Variants in MIA3 observed in about 807,000 individuals in gnomAD.
The protein encoded by MIA3 is MIA SH3 domain ER export factor 3.
Under a neutral mutation model 192.4 loss-of-function variants are expected in MIA3, and 90 were observed. The ratio of observed to expected loss-of-function variants is 0.47; its 90% CI spans 0.39 to 0.56. The LOEUF is 0.56. Ranked by LOEUF, MIA3 falls within the 20% of genes least tolerant of loss-of-function variation. MIA3 has a pLI of 0.00. For missense variants in MIA3, 2,123 were observed against 2,269.4 expected (o/e 0.94, Z 1.31); for synonymous variants, 740 against 792.8 (o/e 0.93, Z 1.12).
At chr1:222,621,903 G>A (rs568629462) in intron 2 of MIA3, among the ~76,000 whole-genome samples, 4 of 151,422 alleles carry the variant, frequency 2.6e-5, no homozygotes, top group African/African-American at 9.7e-5. Flanking sequence ...CCGCCTCCCG[G>A]GTTCACGCCA....
intron 17 of MIA3, 64 bp from the exon 18 acceptor site, chr1:222,654,590 GC>G (rs1663609595): frequency 1.3e-5 from 20 of 1,579,616 alleles, no homozygotes; most frequent in Non-Finnish European, 1.6e-5. Flanking sequence ...CTCAGCACCA[GC>G]CCCCAACCAA....
intron 6 of MIA3, among the ~76,000 whole-genome samples, chr1:222,634,151 T>C (rs1485816541): frequency 6.7e-6 from 1 of 149,232 alleles, no homozygotes; most frequent in Non-Finnish European, 1.5e-5. Context: ...CAGTTGGTGT[T>C]GTTAAAGTGT....
In MIA3 at chr1:222,645,734, A is replaced by C. The variant is rs189532371; in HGVS notation, c.3609+49A>C. On this transcript the variant is annotated intron_variant, in intron 7 of 27. Coordinates refer to ENST00000344922, the MANE Select transcript of MIA3 (RefSeq NM_198551.4). The stretch of plus-strand genomic sequence containing the variant: ...AACTCATAAATTCAAGTATGGTTTT[A>C]TAATCACAGTCCTTTTGTTTCTTTT... 2,109 of 1,522,852 alleles carry C rather than the reference A, an allele frequency of 1.4e-3. 17 individuals are homozygous for C. The highest frequency in any genetic ancestry group is 6.7e-4 in the Non-Finnish European group (744 of 1,106,810). 94.3% of individuals were successfully genotyped at this position (1,522,852 alleles called of 1,614,324 possible). A position where few individuals can be genotyped will look rare whatever the true frequency, so the allele number is the denominator to read the frequency against.
In MIA3 at chr1:222,658,541, A is replaced by G. The variant is rs900050152; in HGVS notation, c.4608-181A>G. The G allele has an allele frequency of 6.5e-6, 3 of 459,620 alleles. No homozygotes were observed. The East Asian group carries it at 1.2e-4, about 18-fold the overall frequency. The allele number at this position is 459,620 out of a possible 1,614,324, so 28.5% of individuals were successfully genotyped here. A position where few individuals can be genotyped will look rare whatever the true frequency, so the allele number is the denominator to read the frequency against. On this transcript the variant is annotated intron_variant, in intron 18 of 27. Transcript: ENST00000344922. ...TATGAGACGTTAGAAAATGCAGGTGATGTATCAACAGGCCACAGTTGGATT... is the reference window on the plus strand; with the variant it reads ...TATGAGACGTTAGAAAATGCAGGTGGTGTATCAACAGGCCACAGTTGGATT...
intron 6 of MIA3, among the ~76,000 whole-genome samples, chr1:222,645,108 A>G (rs1663076323): frequency 6.6e-6 from 1 of 152,248 alleles, no homozygotes; most frequent in African/African-American, 2.4e-5. Flanking sequence ...TTAGAGGAAT[A>G]AAACGTTATT....
chr1:222,641,821 T>G, intron 6 of MIA3: 1 of 535,622 alleles, frequency 1.9e-6, no homozygotes, highest in Non-Finnish European at 3.8e-6. Context: ...CTTGAGCATT[T>G]CTAGCTGCGG....
intron 6 of MIA3, among the ~76,000 whole-genome samples, chr1:222,639,023 C>T (rs578198732): frequency 6.6e-6 from 1 of 152,214 alleles, no homozygotes; most frequent in Non-Finnish European, 1.5e-5. Context: ...CCAAAGTGAA[C>T]AGGGAAAGAA....
At chr1:222,627,070 G>T (rs1236990087) in intron 3 of MIA3, among the ~76,000 whole-genome samples, 1 of 152,208 alleles carries the variant, frequency 6.6e-6, no homozygotes, top group Non-Finnish European at 1.5e-5. Context: ...AGAGACCCAG[G>T]AGTTGGGCAA....
rs548876199 is a variant in MIA3 at position 222,618,596 on chromosome 1, C to A, written c.133+353C>A. 6.6e-5 allele frequency among the ~76,000 whole-genome samples: 10 copies of A among 152,312 alleles called. No individual in the cohort carries two copies. The South Asian group carries it at 1.7e-3, about 25-fold the overall frequency. ...GCTCACAGCGTCCCCTTCCCACCCCCCCAATCCGCCTGGGCTCGGAGGGTA... is the reference window on the plus strand; with the variant it reads ...GCTCACAGCGTCCCCTTCCCACCCCACCAATCCGCCTGGGCTCGGAGGGTA... On this transcript the variant is annotated intron_variant, in intron 1 of 27. Transcript: ENST00000344922.
rs776943787 is a variant in MIA3 at position 222,632,187 on chromosome 1, T to C, written c.3192T>C (p.Asp1064=). Residue 1064 remains aspartate (D), a synonymous_variant, in exon 5 of 28, where the codon GAT becomes GAC. Transcript: ENST00000344922. ...TAGAGATGCAACCACTGCATGAAGATAATTTCTCACGAGAGAAGACAGCAG... is the reference window on the plus strand; with the variant it reads ...TAGAGATGCAACCACTGCATGAAGACAATTTCTCACGAGAGAAGACAGCAG... ...AMEEMQPLHE[D]NFSREKTAEL... is the part of the protein sequence containing the mutation. 1.2e-6 allele frequency: 2 copies of C among 1,614,174 alleles called. No homozygotes were observed. Among genetic ancestry groups the C allele is most frequent in the Non-Finnish European group, 1.7e-6 (2 of 1,180,018 alleles).
intron 27 of MIA3, chr1:222,664,930 A>G (rs1475872769): frequency 4.3e-6 from 2 of 468,998 alleles, no homozygotes; most frequent in Non-Finnish European, 8.8e-6. Context: ...TAATCCCAGC[A>G]CTTTATGAAT....
intron 11 of MIA3, among the ~76,000 whole-genome samples, chr1:222,651,211 GT>G (rs147709124): frequency 0.17 from 23,262 of 140,032 alleles, 1,879 homozygotes; most frequent in Middle Eastern, 0.24. Flanking sequence ...GTTTTGCAAA[GT>G]TTTTTTTTTT....
chr1:222,641,672 G>C (rs1662859299), intron 6 of MIA3: 1 of 542,796 alleles, frequency 1.8e-6, no homozygotes, highest in Admixed American at 1.9e-5. Flanking sequence ...AAACTCGTCA[G>C]TGGGAGGAGT....
At position 222,665,628 on chromosome 1, in the gene MIA3, C is replaced by T. The variant is rs749795324; in HGVS notation, c.*9C>T. The T allele has an allele frequency of 1.9e-6, 3 of 1,553,602 alleles. No homozygotes were observed. Among genetic ancestry groups the T allele is most frequent in the Admixed American group, 2.1e-5 (1 of 47,266 alleles). ...TAAAACAGAGCCCATAAAACTATGA[C>T]CTCTGAGGTTTCATTGGAAAGAAAG... On this transcript the variant is annotated 3_prime_UTR_variant, in exon 28 of 28. Coordinates refer to ENST00000344922, the MANE Select transcript of MIA3 (RefSeq NM_198551.4).
intron 18 of MIA3, among the ~76,000 whole-genome samples, chr1:222,656,586 C>T (rs1317798352): frequency 6.6e-6 from 1 of 152,206 alleles, no homozygotes; most frequent in South Asian, 2.1e-4. Flanking sequence ...CACCCTTCCA[C>T]CCTACCCTCC....
At chr1:222,633,387 G>C in intron 6 of MIA3, 138 bp downstream of exon 6, 8 of 733,318 alleles carry the variant, frequency 1.1e-5, no homozygotes, top group Non-Finnish European at 1.8e-5. Context: ...CCTGAAATGA[G>C]CCACAGGTGT....
At chr1:222,648,541 T>C (rs1427707906) in intron 7 of MIA3, among the ~76,000 whole-genome samples, 1 of 152,228 alleles carries the variant, frequency 6.6e-6, no homozygotes, top group South Asian at 2.1e-4. Flanking sequence ...AGTTAAGTGC[T>C]CATTTCGTAA....
chr1:222,620,743 CTTAAG>C (rs1325746796), intron 1 of MIA3, among the ~76,000 whole-genome samples: 2 of 152,178 alleles, frequency 1.3e-5, no homozygotes, highest in African/African-American at 4.8e-5. Context: ...TGTAGCCATG[CTTAAG>C]TTAATCATCA....
At chr1:222,648,735 C>A in intron 7 of MIA3, 94 bp from the exon 8 acceptor site, 1 of 772,520 alleles carries the variant, frequency 1.3e-6, no homozygotes, top group East Asian at 2.7e-5. Context: ...ATTAAATTCT[C>A]ATTTGGTTAC....
Sources: allele counts gnomAD v4.1 joint callset (sites outside exome capture counted in the v4.1 genomes callset), GRCh38; gene constraint gnomAD v4.1.1; transcripts MANE v1.5; gene names NCBI Gene and HGNC (gene_info 2026-07-23, HGNC 2026-07-21).